Variants in ABTB2 observed in about 807,000 individuals in gnomAD.
ABTB2 encodes ankyrin repeat and BTB/POZ domain-containing protein 2.
Under a neutral mutation model 104.1 loss-of-function variants are expected in ABTB2, and 56 were observed. The observed-to-expected ratio is 0.54, with a 90% confidence interval of 0.43 to 0.67. The LOEUF (loss-of-function observed/expected upper bound fraction) is 0.67. ABTB2 is among the 30% of genes least tolerant of loss of function. The pLI, the probability that ABTB2 is intolerant of heterozygous loss-of-function variation, is 0.00. For synonymous variants in ABTB2, 606 were observed against 608.2 expected, an observed-to-expected ratio of 1.00 and a Z score of 0.05; for missense variants, 1,279 against 1,407.7, an observed-to-expected ratio of 0.91 and a Z score of 1.46.
chr11:34,331,056 C>G (rs1855123881), intron 1 of ABTB2, among the ~76,000 whole-genome samples: 1 of 152,176 alleles, frequency 6.6e-6, no homozygotes. Flanking sequence ...CTCCTATGTT[C>G]CACCAGCACA....
chr11:34,207,738 G>T, intron 1 of ABTB2, among the ~76,000 whole-genome samples: 1 of 152,194 alleles, frequency 6.6e-6, no homozygotes, highest in Non-Finnish European at 1.5e-5. Flanking sequence ...AACGGAACAG[G>T]GACTGGAGTT....
chr11:34,278,020 G>T (rs1278765665), intron 1 of ABTB2, among the ~76,000 whole-genome samples: 1 of 151,504 alleles, frequency 6.6e-6, no homozygotes, highest in Non-Finnish European at 1.5e-5. Context: ...GGCCAGGCTG[G>T]TCTCAAACTC....
chr11:34,342,651 G>A lies in ABTB2; in HGVS notation c.883+14050C>T, dbSNP rs182155180. On this transcript the variant is annotated intron_variant, in intron 1 of 16. Coordinates refer to ENST00000435224, the MANE Select transcript of ABTB2 (RefSeq NM_145804.3). ...CACATGGGCCGGGGTCTGGTGCTTC[G>A]TAAAAGTTTGACCCACGGTAGGTCT... 1.4e-4 allele frequency among the ~76,000 whole-genome samples: 22 copies of A among 152,294 alleles called. 1 individual carries two copies. The highest frequency in any genetic ancestry group is 6.5e-4 in the Admixed American group (10 of 15,298).
chr11:34,179,458 G>A (rs1245730054), intron 3 of ABTB2, among the ~76,000 whole-genome samples: 5 of 152,158 alleles, frequency 3.3e-5, no homozygotes, highest in Admixed American at 6.5e-5. Flanking sequence ...GGCAGGCGGC[G>A]CTGGCACAGA....
In ABTB2 at chr11:34,357,215, C is replaced by T. The variant is rs570990962; in HGVS notation, c.369G>A (p.Glu123=). Residue 123 remains glutamate (E), a synonymous_variant, in exon 1 of 17, where the codon GAG becomes GAA. Coordinates refer to ENST00000435224, the MANE Select transcript of ABTB2 (RefSeq NM_145804.3). ...GCAGCCCGGCCAGGCGCCTCACCGC[C>T]TCGGCGGAGAACTGGGGCAGCCGCC... ...GGRRLPQFSA[E]AVRRLAGLLR... is the part of the protein sequence containing the mutation. The T allele has an allele frequency of 9.9e-6, 15 of 1,510,464 alleles. No individual in the cohort carries two copies. The African/African-American group carries it at 2.0e-4, about 20-fold the overall frequency. 93.6% of individuals were successfully genotyped at this position (1,510,464 alleles called of 1,614,324 possible).
chr11:34,297,766 C>CAA (rs1171577510), intron 1 of ABTB2, among the ~76,000 whole-genome samples: 11 of 16,052 alleles, frequency 6.9e-4, no homozygotes, highest in Middle Eastern at 0.026. Flanking sequence ...AACTCCATCT[C>CAA]AAAAAAAAAA....
At position 34,357,143 on chromosome 11, in the gene ABTB2, G is replaced by A; in HGVS notation, c.441C>T (p.Ser147=). The stretch of plus-strand genomic sequence containing the variant: ...AGCGGGTGCACTTGGCGTGCAGCAC[G>A]CTCAGGCGCTGCGCCTCGCGGGCCA... ...IRVAREAQRL[S]VLHAKCTRFE... The change falls in exon 1 of 17, where the codon AGC becomes AGT. Residue 147 remains serine, a synonymous_variant. Coordinates refer to ENST00000435224, the MANE Select transcript of ABTB2 (RefSeq NM_145804.3). The A allele has an allele frequency of 6.7e-7, 1 of 1,495,178 alleles. No individual in the cohort carries two copies. 92.6% of individuals were successfully genotyped at this position (1,495,178 alleles called of 1,614,324 possible).
At chr11:34,163,446 A>G (rs1031269648) in intron 9 of ABTB2, among the ~76,000 whole-genome samples, 2 of 152,208 alleles carry the variant, frequency 1.3e-5, no homozygotes, top group Non-Finnish European at 2.9e-5. Flanking sequence ...GAGAGCCCAG[A>G]CACATCACCG....
chr11:34,356,673 T>G lies in ABTB2; in HGVS notation c.883+28A>C. 6.5e-7 allele frequency: 1 copy of G among 1,537,448 alleles called. No homozygotes were observed. The highest frequency in any genetic ancestry group is 8.8e-7 in the Non-Finnish European group (1 of 1,133,846). On this transcript the variant is annotated intron_variant, in intron 1 of 16. Transcript: ENST00000435224. The surrounding 1 kb of genome is among the most constrained non-coding windows in gnomAD (Gnocchi z 4.6). ...AGGGCGGGATTTCTTGCCTACCCAG[T>G]CTGCCAGTCCGAGGCCCGCGCGCTT...
At chr11:34,325,625 C>T (rs542882986) in intron 1 of ABTB2, among the ~76,000 whole-genome samples, 1 of 152,196 alleles carries the variant, frequency 6.6e-6, no homozygotes, top group South Asian at 2.1e-4. Context: ...ATAGATTATC[C>T]AGCCCAGGAG....
intron 1 of ABTB2, among the ~76,000 whole-genome samples, chr11:34,296,737 C>T (rs779553184): frequency 1.3e-4 from 20 of 152,024 alleles, no homozygotes; most frequent in African/African-American, 4.3e-4. Flanking sequence ...AAATGCTGTA[C>T]GCTTCAAAAA....
At position 34,357,196 on chromosome 11, in the gene ABTB2, C is replaced by G. The variant is rs1285881001; in HGVS notation, c.388G>C (p.Gly130Arg). ...FSAEAVRRLA[G>R]LLRRALIRVA... ...CGGATCAGTGCCCTGCGGAGCAGCC[C>G]GGCCAGGCGCCTCACCGCCTCGGCG... is the stretch of plus-strand genomic sequence containing the variant. The change falls in exon 1 of 17, where the codon GGG becomes CGG. Residue 130 changes from glycine to arginine, a missense_variant. Transcript: ENST00000435224. 3 of 1,508,180 alleles carry G rather than the reference C, an allele frequency of 2.0e-6. No homozygotes were observed. Among genetic ancestry groups the G allele is most frequent in the South Asian group, 2.5e-5 (2 of 80,296 alleles). 93.4% of individuals were successfully genotyped at this position (1,508,180 alleles called of 1,614,324 possible).
Position 34,160,260 on chromosome 11 carries a change from G to A in ABTB2, c.2491C>T (p.Pro831Ser), listed in dbSNP as rs747712308. ...GGCGCGCCTTCACCTAGCCTGGCCGGCAGGGTCTTCCGGATCTCTGGGATG... is the reference window on the plus strand; with the variant it reads ...GGCGCGCCTTCACCTAGCCTGGCCGACAGGGTCTTCCGGATCTCTGGGATG... ...PSIPEIRKTL[P>S]ARLDPHFLNN... is the part of the protein sequence containing the mutation. Residue 831 changes from proline to serine, a missense_variant, in exon 12 of 17, where the codon CCG (proline) becomes TCG (serine). Physicochemically the swap from Pro to Ser is moderately conservative, Grantham distance 74 (BLOSUM62 -1). Transcript: ENST00000435224. 6.8e-6 allele frequency: 11 copies of A among 1,613,874 alleles called. No homozygotes were observed. The highest frequency in any genetic ancestry group is 1.7e-4 in the Middle Eastern group (1 of 6,060).
At chr11:34,343,352 C>T (rs949732073) in intron 1 of ABTB2, among the ~76,000 whole-genome samples, 1 of 152,246 alleles carries the variant, frequency 6.6e-6, no homozygotes, top group African/African-American at 2.4e-5. Flanking sequence ...TCTGCATCCT[C>T]ACTACATACC....
chr11:34,297,504 G>A lies in ABTB2; in HGVS notation c.883+59197C>T, dbSNP rs182884299. 5.9e-5 allele frequency among the ~76,000 whole-genome samples: 9 copies of A among 152,238 alleles called. No homozygotes were observed. In the East Asian group the frequency reaches 1.7e-3, roughly 29 times the overall value. On this transcript the variant is annotated intron_variant, in intron 1 of 16. Transcript: ENST00000435224. ...TTTAATGTATCCCCTCCAAAATTCA[G>A]GTGTTGGCTGGGCGTGGTGACTCAC...
intron 1 of ABTB2, among the ~76,000 whole-genome samples, chr11:34,211,344 A>G (rs979916136): frequency 2.0e-5 from 3 of 152,126 alleles, no homozygotes; most frequent in African/African-American, 4.8e-5. Context: ...CCTGGGCTCA[A>G]GCAATCTGCC....
At chr11:34,274,560 T>TATAC (rs1554988107) in intron 1 of ABTB2, among the ~76,000 whole-genome samples, 2 of 146,382 alleles carry the variant, frequency 1.4e-5, no homozygotes, top group East Asian at 2.0e-4. Flanking sequence ...GATTGGAATA[T>TATAC]ACACACACAC....
At chr11:34,178,201 C>T (rs538729179) in intron 3 of ABTB2, among the ~76,000 whole-genome samples, 82 of 151,086 alleles carry the variant, frequency 5.4e-4, no homozygotes, top group Non-Finnish European at 7.2e-4. Flanking sequence ...TGGGGAGGGG[C>T]TGGTGCCCAC....
intron 1 of ABTB2, among the ~76,000 whole-genome samples, 200 bp from the exon 2 acceptor site, chr11:34,204,890 C>A (rs1371653504): frequency 6.6e-6 from 1 of 152,180 alleles, no homozygotes; most frequent in African/African-American, 2.4e-5. Flanking sequence ...AGAAGTAGCT[C>A]ACTCGTAGCT....
Sources: gnomAD v4.1 joint callset for allele counts (sites outside exome capture counted in the v4.1 genomes callset) on GRCh38, gnomAD v4.1.1 for gene constraint, Gnocchi (gnomAD v3.1) non-coding constraint, MANE v1.5 for transcripts, NCBI Gene and HGNC (gene_info 2026-07-23, HGNC 2026-07-21) for gene names.